Variants in TMEM87B observed in about 807,000 individuals in gnomAD.
The protein encoded by TMEM87B is transmembrane protein 87B.
In TMEM87B, 83 loss-of-function variants were observed where a neutral mutation model predicts 80.3. The observed-to-expected ratio is 1.03, with a 90% CI of 0.87 to 1.24. TMEM87B has a LOEUF of 1.24. TMEM87B is among the 50% of genes most tolerant of loss of function. The pLI is 0.00. For missense variants in TMEM87B, 625 were observed against 674.4 expected (o/e 0.93, Z 0.81); for synonymous variants, 219 against 230.5 (o/e 0.95, Z 0.45).
intron 5 of TMEM87B, among the ~76,000 whole-genome samples, 152 bp from the exon 6 acceptor site, chr2:112,077,038 CAA>C (rs35044756): frequency 0.014 from 1,214 of 85,292 alleles, 6 homozygotes; most frequent in Non-Finnish European, 0.021. Context: ...ACCCCCATCT[CAA>C]AAAAAAAAAA....
intron 16 of TMEM87B, among the ~76,000 whole-genome samples, chr2:112,106,320 T>A (rs1679765397): frequency 6.6e-6 from 1 of 152,178 alleles, no homozygotes; most frequent in Non-Finnish European, 1.5e-5. Flanking sequence ...ATGAGCATCA[T>A]CTGGGAACTT....
chr2:112,076,652 T>C (rs967499311), intron 5 of TMEM87B, among the ~76,000 whole-genome samples: 2 of 152,054 alleles, frequency 1.3e-5, no homozygotes, highest in Non-Finnish European at 2.9e-5. Context: ...AGAAAAAGTT[T>C]TTTATTGATA....
intron 8 of TMEM87B, 79 bp from the exon 9 acceptor site, chr2:112,085,926 A>G (rs2104480899): frequency 8.7e-7 from 1 of 1,154,596 alleles, no homozygotes; most frequent in Non-Finnish European, 1.3e-6. Context: ...AGTTATACAC[A>G]GGACATGTTG....
intron 14 of TMEM87B, among the ~76,000 whole-genome samples, chr2:112,099,265 T>A (rs1481737387): frequency 3.3e-5 from 5 of 151,992 alleles, no homozygotes; most frequent in Admixed American, 1.3e-4. Flanking sequence ...AGATTCAACA[T>A]CCCAAATCCC....
intron 4 of TMEM87B, among the ~76,000 whole-genome samples, chr2:112,073,307 T>C (rs1678713773): frequency 6.6e-6 from 1 of 152,232 alleles, no homozygotes; most frequent in Non-Finnish European, 1.5e-5. Flanking sequence ...GTTGTATCTT[T>C]GTTCTCATTA....
At chr2:112,085,554 A>G (rs1421751832) in intron 8 of TMEM87B, among the ~76,000 whole-genome samples, 1 of 152,248 alleles carries the variant, frequency 6.6e-6, no homozygotes, top group African/African-American at 2.4e-5. Flanking sequence ...TACAAGCTCC[A>G]TGAAGGCAGG....
chr2:112,102,011 T>G (rs1487932578), intron 15 of TMEM87B, among the ~76,000 whole-genome samples: 6 of 152,166 alleles, frequency 3.9e-5, no homozygotes, highest in Non-Finnish European at 8.8e-5. Flanking sequence ...AAAAAATTTT[T>G]TTAATTTAAA....
rs1277457525 is a variant in TMEM87B at position 112,097,277 on chromosome 2, G to A, written c.1258G>A (p.Ala420Thr). Residue 420 changes from alanine (A) to threonine (T), a missense_variant, in exon 13 of 19, where the codon GCA becomes ACA. Physicochemically the swap from Ala to Thr is moderately conservative, Grantham distance 58 (BLOSUM62 0). Transcript: ENST00000283206. The stretch of plus-strand genomic sequence containing the variant: ...GTGGACAACTAAGACATTTAGAATT[G>A]CAAAATGCCAATCAGTAAGTATAAC... ...MGWTTKTFRI[A>T]KCQSDWMERW... 1.2e-6 allele frequency: 2 copies of A among 1,604,944 alleles called. No individual in the cohort carries two copies. The highest frequency in any genetic ancestry group is 2.2e-5 in the East Asian group (1 of 44,600).
At chr2:112,088,554 T>C (rs1274593597) in intron 9 of TMEM87B, among the ~76,000 whole-genome samples, 1 of 152,218 alleles carries the variant, frequency 6.6e-6, no homozygotes. Flanking sequence ...TTGAATTGAC[T>C]ATCTTAAATA....
At position 112,117,963 on chromosome 2, in the gene TMEM87B, A is replaced by T. The variant is rs1030030515; in HGVS notation, c.*1820A>T. ...ATGGTGAGTATGTTAATAAAGGGAA[A>T]CTGTCTCTGACAGAATCTCAGTAAT... is the stretch of plus-strand genomic sequence containing the variant. On this transcript the variant is annotated 3_prime_UTR_variant, in exon 19 of 19. Coordinates refer to ENST00000283206, the MANE Select transcript of TMEM87B (RefSeq NM_032824.3). 4.6e-5 allele frequency: 7 copies of T among 152,084 alleles called. No homozygotes were observed. The highest frequency in any genetic ancestry group is 8.8e-5 in the Non-Finnish European group (6 of 68,018). The allele number at this position is 152,084 out of a possible 1,614,324, so 9.4% of individuals were successfully genotyped here. A position where few individuals can be genotyped will look rare whatever the true frequency, so the allele number is the denominator to read the frequency against.
At chr2:112,112,261 A>G (rs372087519) in intron 17 of TMEM87B, among the ~76,000 whole-genome samples, 3 of 152,158 alleles carry the variant, frequency 2.0e-5, no homozygotes, top group South Asian at 2.1e-4. Flanking sequence ...TCTTTTCTTT[A>G]TATCTATATT....
intron 4 of TMEM87B, among the ~76,000 whole-genome samples, chr2:112,071,766 C>G (rs1290961015): frequency 6.6e-6 from 1 of 152,044 alleles, no homozygotes; most frequent in Non-Finnish European, 1.5e-5. Context: ...TATTTGGGTG[C>G]CCTTTATTTC....
intron 15 of TMEM87B, among the ~76,000 whole-genome samples, chr2:112,102,537 T>C (rs1281683616): frequency 6.6e-6 from 1 of 151,696 alleles, no homozygotes; most frequent in Non-Finnish European, 1.5e-5. Flanking sequence ...TGACTAAAAA[T>C]ACAAAAATTA....
At position 112,086,073 on chromosome 2, in the gene TMEM87B, A is replaced by T. The variant is rs1679137364; in HGVS notation, c.907A>T (p.Ile303Phe). 1.9e-6 allele frequency: 3 copies of T among 1,614,144 alleles called. No homozygotes were observed. The highest frequency in any genetic ancestry group is 4.5e-5 in the East Asian group (2 of 44,870). ...GAGGACGTTGGCTCGCCTTCTCGTG[A>T]TCATTGTGAGCCTGGGCTATGGCAT... ...IKRTLARLLV[I>F]IVSLGYGIVK... Residue 303 changes from isoleucine to phenylalanine, a missense_variant, in exon 9 of 19, where the codon ATC becomes TTC. Physicochemically the swap from Ile to Phe is conservative, Grantham distance 21. Transcript: ENST00000283206.
intron 1 of TMEM87B, among the ~76,000 whole-genome samples, chr2:112,059,467 A>T (rs1009171323): frequency 1.3e-5 from 2 of 151,960 alleles, no homozygotes; most frequent in African/African-American, 4.8e-5. Flanking sequence ...ACTAATCCTG[A>T]GGGCAGGAAA....
chr2:112,055,771 G>A lies in TMEM87B; in HGVS notation c.165+15G>A, dbSNP rs750332831. 68 of 1,460,638 alleles carry A rather than the reference G, an allele frequency of 4.7e-5. No homozygotes were observed. Among genetic ancestry groups the A allele is most frequent in the Admixed American group, 2.4e-4 (9 of 36,816 alleles). 90.5% of individuals were successfully genotyped at this position (1,460,638 alleles called of 1,614,324 possible). Reference sequence around the variant, plus strand: ...CAGTCAACGACGTAAGTGGAGTGTCGGGACCCAGGCGTGGCACGTCTCGGG... The same window carrying A: ...CAGTCAACGACGTAAGTGGAGTGTCAGGACCCAGGCGTGGCACGTCTCGGG... On this transcript the variant is annotated intron_variant, in intron 1 of 18. Coordinates refer to ENST00000283206, the MANE Select transcript of TMEM87B (RefSeq NM_032824.3).
chr2:112,080,421 G>A (rs1283929795), intron 6 of TMEM87B, among the ~76,000 whole-genome samples: 5 of 151,680 alleles, frequency 3.3e-5, no homozygotes, highest in Admixed American at 6.6e-5. Flanking sequence ...CACCACGCCC[G>A]GCTAATTTTT....
intron 9 of TMEM87B, among the ~76,000 whole-genome samples, chr2:112,086,528 T>G (rs1679150533): frequency 6.6e-6 from 1 of 152,234 alleles, no homozygotes; most frequent in Non-Finnish European, 1.5e-5. Flanking sequence ...CTTCTGGACC[T>G]TCTCCGGCGG....
intron 17 of TMEM87B, among the ~76,000 whole-genome samples, chr2:112,110,605 G>A (rs1002276846): frequency 6.6e-6 from 1 of 151,952 alleles, no homozygotes; most frequent in Non-Finnish European, 1.5e-5. Context: ...AAGGTTCCTG[G>A]TTTGAGTGCC....
Sources: gnomAD v4.1 joint callset for allele counts (sites outside exome capture counted in the v4.1 genomes callset) on GRCh38, gnomAD v4.1.1 for gene constraint, MANE v1.5 for transcripts, NCBI Gene and HGNC (gene_info 2026-07-23, HGNC 2026-07-21) for gene names.